CEACAM20: variants seen among roughly 807,000 people sequenced by gnomAD.
CEACAM20 encodes CEA cell adhesion molecule 20, also known as cell adhesion molecule CEACAM20.
Under a neutral mutation model 61.2 loss-of-function variants are expected in CEACAM20, and 50 were observed. The observed-to-expected ratio is 0.82, with a 90% CI of 0.65 to 1.03. The LOEUF (loss-of-function observed/expected upper bound fraction) is 1.03, where lower values mean the gene tolerates loss of function less well. CEACAM20 is among the 50% of genes least tolerant of loss of function. CEACAM20 has a pLI of 0.00. For synonymous variants in CEACAM20, 282 were observed against 287.7 expected, an observed-to-expected ratio of 0.98 and a Z score of 0.20; for missense variants, 683 against 736.4, an observed-to-expected ratio of 0.93 and a Z score of 0.84.
chr19:44,526,875 AAAAC>A (rs35675807), intron 1 of CEACAM20, among the ~76,000 whole-genome samples: 3,278 of 151,176 alleles, frequency 0.022, 114 homozygotes, highest in African/African-American at 0.075. Context: ...CCTTGTCTCA[AAAAC>A]AAACAAACAA....
In CEACAM20 at chr19:44,513,254, C is replaced by T. The variant is rs2123569462; in HGVS notation, c.1345G>A (p.Ala449Thr). The change falls in exon 7 of 12, where the codon GCT becomes ACT. Residue 449 changes from alanine to threonine, a missense_variant. Coordinates refer to ENST00000614924, the MANE Select transcript of CEACAM20 (RefSeq NM_001102597.3). ...QSSSLSSGAIAGIVIGILAVI... is the reference protein window; with the variant it reads ...QSSSLSSGAITGIVIGILAVI... The stretch of plus-strand genomic sequence containing the variant: ...GCCAGGATCCCGATGACAATACCAG[C>T]GATGGCCCCTGAGGACAGGGAGGAG... 6.2e-7 allele frequency: 1 copy of T among 1,613,790 alleles called. No homozygotes were observed. Among genetic ancestry groups the T allele is most frequent in the East Asian group, 2.2e-5 (1 of 44,846 alleles).
At chr19:44,518,079 GAGGA>G (rs1284237874) in intron 5 of CEACAM20, among the ~76,000 whole-genome samples, 7,440 of 117,278 alleles carry the variant, frequency 0.063, 832 homozygotes, top group East Asian at 0.12. Context: ...CAAAAGGAAA[GAGGA>G]AAGAAAGAAA....
At chr19:44,511,180 C>A (rs2123559072) in intron 10 of CEACAM20, 25 bp from the exon 11 acceptor site, 1 of 1,611,432 alleles carries the variant, frequency 6.2e-7, no homozygotes, top group Non-Finnish European at 8.5e-7. Flanking sequence ...AGAAATTAGG[C>A]AGGGCCCACA....
rs189710431 is a variant in CEACAM20, at chr19:44,510,406, G to A, written c.1737+624C>T. Among the ~76,000 whole-genome samples the A allele has an allele frequency of 5.4e-3, 827 of 151,840 alleles. 1 individual carries two copies. Among genetic ancestry groups the A allele is most frequent in the Non-Finnish European group, 9.2e-3 (627 of 67,948 alleles). Reference sequence around the variant, plus strand: ...CTCGTGCCTGCAGTCCTAGCTACTCGGGAAGCTGAAGTGGGAGAATCCCTT... The same window carrying A: ...CTCGTGCCTGCAGTCCTAGCTACTCAGGAAGCTGAAGTGGGAGAATCCCTT... On this transcript the variant is annotated intron_variant, in intron 11 of 11. Transcript: ENST00000614924.
chr19:44,513,064 C>T, intron 7 of CEACAM20, 108 bp downstream of exon 7: 1 of 1,298,538 alleles, frequency 7.7e-7, no homozygotes, highest in East Asian at 2.5e-5. Flanking sequence ...CCTCTGAATT[C>T]CCCAGGTGCC....
chr19:44,516,465 A>C (rs1314967751), intron 6 of CEACAM20, among the ~76,000 whole-genome samples: 2 of 152,144 alleles, frequency 1.3e-5, no homozygotes, highest in Non-Finnish European at 2.9e-5. Flanking sequence ...GGTAGTGAAT[A>C]AGTCTCACGA....
intron 1 of CEACAM20, 62 bp downstream of exon 1, chr19:44,529,396 C>G (rs371755240): frequency 2.3e-6 from 3 of 1,288,464 alleles, no homozygotes; most frequent in African/African-American, 1.7e-5. Flanking sequence ...ACACACACAC[C>G]GCTGACAAAT....
In CEACAM20 at chr19:44,524,014, C is replaced by T; in HGVS notation, c.444G>A (p.Arg148=). ...TCACATCCAGGAAGATGGGGTCGCTCCTCTGGCTCAGAAGGGCATCTCGAG... is the reference window on the plus strand; with the variant it reads ...TCACATCCAGGAAGATGGGGTCGCTTCTCTGGCTCAGAAGGGCATCTCGAG... ...CEARDALLSQ[R]SDPIFLDVKY... is the part of the protein sequence containing the mutation. Residue 148 remains arginine (R), a synonymous_variant, in exon 3 of 12, where the codon AGG becomes AGA. Coordinates refer to ENST00000614924, the MANE Select transcript of CEACAM20 (RefSeq NM_001102597.3). 2 of 1,553,432 alleles carry T rather than the reference C, an allele frequency of 1.3e-6. No homozygotes were observed. Among genetic ancestry groups the T allele is most frequent in the African/African-American group, 1.4e-5 (1 of 73,486 alleles).
At chr19:44,524,326 C>A in intron 2 of CEACAM20, 65 bp from the exon 3 acceptor site, 1 of 1,511,536 alleles carries the variant, frequency 6.6e-7, no homozygotes, top group South Asian at 1.3e-5. Flanking sequence ...AAGACATAGT[C>A]ACAGAGGGAC....
chr19:44,507,673 T>C (rs564942505), intron 11 of CEACAM20, among the ~76,000 whole-genome samples: 1 of 152,338 alleles, frequency 6.6e-6, no homozygotes, highest in East Asian at 1.9e-4. Context: ...TTAATCCCCA[T>C]TCGAACTACA....
intron 6 of CEACAM20, 124 bp downstream of exon 6, chr19:44,516,822 A>G: frequency 9.4e-7 from 1 of 1,069,056 alleles, no homozygotes; most frequent in Non-Finnish European, 1.3e-6. Context: ...GTGGACTGAG[A>G]ACCTGCTCAG....
intron 5 of CEACAM20, among the ~76,000 whole-genome samples, chr19:44,518,168 A>C (rs1971245166): frequency 7.4e-6 from 1 of 134,520 alleles, no homozygotes; most frequent in Non-Finnish European, 1.7e-5. Flanking sequence ...GGAAGGAAGG[A>C]AGAAAGCAGG....
chr19:44,519,650 T>G (rs772656731), intron 5 of CEACAM20, among the ~76,000 whole-genome samples: 1 of 152,194 alleles, frequency 6.6e-6, no homozygotes, highest in Non-Finnish European at 1.5e-5. Context: ...AGCAGCATAT[T>G]CAAAATACAT....
chr19:44,516,889 A>C (rs1210456280), intron 6 of CEACAM20, 57 bp downstream of exon 6: 4 of 1,543,296 alleles, frequency 2.6e-6, no homozygotes, highest in Non-Finnish European at 3.5e-6. Flanking sequence ...GGTAGCTGGG[A>C]CCAGCATCAG....
chr19:44,525,182 G>C lies in CEACAM20; in HGVS notation c.115C>G (p.Leu39Val). 2 of 1,610,480 alleles carry C rather than the reference G, an allele frequency of 1.2e-6. No homozygotes were observed. The highest frequency in any genetic ancestry group is 1.7e-6 in the Non-Finnish European group (2 of 1,178,464). The change falls in exon 2 of 12, where the codon CTT becomes GTT. Residue 39 changes from leucine (L) to valine (V), a missense_variant. Physicochemically the swap from Leu to Val is conservative, Grantham distance 32. Coordinates refer to ENST00000614924, the MANE Select transcript of CEACAM20 (RefSeq NM_001102597.3). ...AAQLTLNANP[L>V]DATQSEDVVL... ...ACATCCTCACTTTGGGTGGCATCAAGTGGGTTGGCATTGAGGGTGAGCTGG... is the reference window on the plus strand; with the variant it reads ...ACATCCTCACTTTGGGTGGCATCAACTGGGTTGGCATTGAGGGTGAGCTGG...
intron 6 of CEACAM20, among the ~76,000 whole-genome samples, chr19:44,514,280 G>A (rs368449135): frequency 1.1e-4 from 16 of 152,242 alleles, no homozygotes; most frequent in Middle Eastern, 3.4e-3. Context: ...TTGGCCTGCC[G>A]ATTGCCCATC....
rs1207120800 is a variant in CEACAM20 at position 44,519,514 on chromosome 19, C to A, written c.1030+960G>T. 1.3e-5 allele frequency among the ~76,000 whole-genome samples: 2 copies of A among 152,172 alleles called. 1 individual carries two copies. Among genetic ancestry groups the A allele is most frequent in the African/African-American group, 4.8e-5 (2 of 41,442 alleles). On this transcript the variant is annotated intron_variant, in intron 5 of 11. Transcript: ENST00000614924. ...AGTGCACCCCTCCTTTCTCTCCCTG[C>A]AGAAACCTCTTCTCCCCCAATCTTC...
In CEACAM20 at chr19:44,507,256, T is replaced by C. The variant is rs114747157; in HGVS notation, c.1738-1042A>G. Among the ~76,000 whole-genome samples the C allele has an allele frequency of 1.8e-3, 268 of 152,238 alleles. 1 individual carries two copies. The highest frequency in any genetic ancestry group is 6.3e-3 in the African/African-American group (260 of 41,544). ...GGAAGACCTTTTGCCCGACTAATAA[T>C]AGGAAACAAACATGGCTCCCCTACG... is the stretch of plus-strand genomic sequence containing the variant. On this transcript the variant is annotated intron_variant, in intron 11 of 11. Transcript: ENST00000614924.
At chr19:44,518,513 GA>G (rs1971261367) in intron 5 of CEACAM20, among the ~76,000 whole-genome samples, 1 of 151,924 alleles carries the variant, frequency 6.6e-6, no homozygotes, top group African/African-American at 2.4e-5. Context: ...CTGAGGCAGG[GA>G]GATCACTTGA....
Sources: allele counts gnomAD v4.1 joint callset (sites outside exome capture counted in the v4.1 genomes callset), GRCh38; gene constraint gnomAD v4.1.1; transcripts MANE v1.5; gene names NCBI Gene and HGNC (gene_info 2026-07-23, HGNC 2026-07-21).